The following STXBP5 variants were observed in gnomAD, a reference collection of about 807,000 sequenced individuals.
STXBP5 encodes the protein syntaxin binding protein 5, also known as syntaxin-binding protein 5.
A neutral mutation model predicts 152.4 loss-of-function variants in STXBP5; 50 were observed. The ratio of observed to expected loss-of-function variants is 0.33; its 90% CI spans 0.26 to 0.42. The LOEUF (loss-of-function observed/expected upper bound fraction) is 0.42, where lower values mean the gene tolerates loss of function less well. Ranked by LOEUF, STXBP5 falls within the 10% of genes least tolerant of loss-of-function variation. The probability of loss-of-function intolerance (pLI) is 1.00; values close to 1 mark genes in which losing one functional copy is unlikely to be tolerated. For missense variants in STXBP5, 1,167 were observed against 1,388.6 expected (o/e 0.84, Z 2.54); for synonymous variants, 492 against 494.7 (o/e 0.99, Z 0.07).
intron 4 of STXBP5, among the ~76,000 whole-genome samples, chr6:147,250,273 T>C (rs535865010): frequency 6.6e-6 from 1 of 152,232 alleles, no homozygotes; most frequent in Non-Finnish European, 1.5e-5. Flanking sequence ...AAGACTGTTA[T>C]GGACTAATAA....
At chr6:147,262,152 A>G (rs373519745) in intron 5 of STXBP5, 138 bp from the exon 6 acceptor site, 8 of 596,694 alleles carry the variant, frequency 1.3e-5, no homozygotes, top group Non-Finnish European at 1.4e-5. Flanking sequence ...CTATATGCCT[A>G]TTATTTATCT....
At chr6:147,223,643 A>G (rs542854245) in intron 2 of STXBP5, among the ~76,000 whole-genome samples, 31 of 152,298 alleles carry the variant, frequency 2.0e-4, no homozygotes, top group African/African-American at 7.2e-4. Flanking sequence ...GAGCTGAAAA[A>G]ACCAAAATGT....
intron 6 of STXBP5, among the ~76,000 whole-genome samples, chr6:147,264,376 C>T (rs1024625599): frequency 3.3e-5 from 5 of 152,002 alleles, no homozygotes; most frequent in East Asian, 1.9e-4. Flanking sequence ...TTTATATACA[C>T]GATTTCATTT....
chr6:147,256,552 A>G (rs1260318141), intron 4 of STXBP5, among the ~76,000 whole-genome samples: 1 of 152,184 alleles, frequency 6.6e-6, no homozygotes, highest in Non-Finnish European at 1.5e-5. Flanking sequence ...ATATGGTTTA[A>G]GAAGCATTAT....
chr6:147,230,276 G>T (rs548519874), intron 2 of STXBP5, among the ~76,000 whole-genome samples: 3 of 151,900 alleles, frequency 2.0e-5, no homozygotes, highest in African/African-American at 7.2e-5. Flanking sequence ...CATTTTATAC[G>T]TGGAGATATT....
At chr6:147,327,002 CTT>C (rs1783293382) in intron 17 of STXBP5, 121 bp from the exon 18 acceptor site, 3 of 829,464 alleles carry the variant, frequency 3.6e-6, no homozygotes, top group Admixed American at 6.0e-5. Context: ...CTATAGTTGT[CTT>C]TTGTTTCAAA....
intron 4 of STXBP5, among the ~76,000 whole-genome samples, chr6:147,251,942 C>G (rs1172784601): frequency 1.3e-5 from 2 of 152,184 alleles, no homozygotes; most frequent in African/African-American, 4.8e-5. Flanking sequence ...CCCAGGCAAA[C>G]AGGGTCTGGA....
intron 4 of STXBP5, among the ~76,000 whole-genome samples, chr6:147,259,045 A>G (rs901674059): frequency 2.6e-5 from 4 of 152,122 alleles, no homozygotes; most frequent in Non-Finnish European, 4.4e-5. Context: ...TGATGATGGT[A>G]GTTATAGAGC....
intron 11 of STXBP5, among the ~76,000 whole-genome samples, chr6:147,312,394 A>T (rs1191747996): frequency 3.3e-5 from 5 of 152,204 alleles, no homozygotes; most frequent in Non-Finnish European, 5.9e-5. Context: ...ATCATTAAGT[A>T]TGGTTTTTAA....
chr6:147,380,778 C>T lies in STXBP5; in HGVS notation c.3194-2000C>T, dbSNP rs568226821. Among the ~76,000 whole-genome samples, 22 of 152,168 alleles carry T rather than the reference C, an allele frequency of 1.4e-4. 1 individual carries two copies. The highest frequency in any genetic ancestry group is 1.2e-3 in the East Asian group (6 of 5,168). On this transcript the variant is annotated intron_variant, in intron 26 of 27. Coordinates refer to ENST00000321680, the MANE Select transcript of STXBP5 (RefSeq NM_001127715.4). ...AAATCACATATCTGATATCAGATTA[C>T]GTCTAGTGTCCAGAATATATTAAGA...
rs138052953 is a variant in STXBP5, at chr6:147,388,809, GATATAT to G, written c.*4065_*4070del. ...ACCTTAACTATTGTTTTAAAATATA[GATATAT>G]ATATATATATTTAAAATAGTTTTCC... On this transcript the variant is annotated 3_prime_UTR_variant, in exon 28 of 28. Coordinates refer to ENST00000321680, the MANE Select transcript of STXBP5 (RefSeq NM_001127715.4). 4.1e-5 allele frequency: 6 copies of G among 147,664 alleles called. No individual in the cohort carries two copies. Among genetic ancestry groups the G allele is most frequent in the African/African-American group, 7.4e-5 (3 of 40,566 alleles). 9.1% of individuals were successfully genotyped at this position (147,664 alleles called of 1,614,324 possible).
In STXBP5 at chr6:147,363,599, A is replaced by T. The variant is rs142760937; in HGVS notation, c.2810A>T (p.Gln937Leu). 8 of 1,614,218 alleles carry T rather than the reference A, an allele frequency of 5.0e-6. No individual in the cohort carries two copies. Among genetic ancestry groups the T allele is most frequent in the Non-Finnish European group, 6.8e-6 (8 of 1,180,036 alleles). The change falls in exon 24 of 28, where the codon CAA becomes CTA. Residue 937 changes from glutamine (Q) to leucine (L), a missense_variant. Transcript: ENST00000321680. ...CCAACCCAGAACTGTGCTTATAAGC[A>T]AAATATTACAGAGACCTCGTTTGTG... ...SLPTQNCAYK[Q>L]NITETSFVLR...
rs774781590 is a variant in STXBP5, at chr6:147,310,231, C to T, written c.1065C>T (p.Tyr355=). 1 of 1,563,696 alleles carries T rather than the reference C, an allele frequency of 6.4e-7. No individual in the cohort carries two copies. The highest frequency in any genetic ancestry group is 1.2e-5 in the South Asian group (1 of 81,688). ...VDFLTLCETP[Y]PNDFQEPYAV... ...TTCTAACGCTGTGTGAAACACCATA[C>T]CCAAATGGTAAGCTTTGCAACTTTA... is the stretch of plus-strand genomic sequence containing the variant. The change falls in exon 10 of 28, where the codon TAC becomes TAT. Residue 355 remains tyrosine (Y), a synonymous_variant. Coordinates refer to ENST00000321680, the MANE Select transcript of STXBP5 (RefSeq NM_001127715.4).
intron 25 of STXBP5, among the ~76,000 whole-genome samples, chr6:147,366,210 C>T (rs1181013064): frequency 1.3e-5 from 2 of 152,134 alleles, no homozygotes; most frequent in South Asian, 2.1e-4. Flanking sequence ...CTGAGTATAC[C>T]ATACGTGCTA....
intron 9 of STXBP5, among the ~76,000 whole-genome samples, chr6:147,299,186 G>A (rs1319684423): frequency 2.6e-5 from 4 of 151,202 alleles, no homozygotes; most frequent in African/African-American, 9.7e-5. Flanking sequence ...ATTACAACCC[G>A]TACAATAGAA....
intron 16 of STXBP5, among the ~76,000 whole-genome samples, chr6:147,320,784 A>G (rs868818339): frequency 6.6e-6 from 1 of 152,192 alleles, no homozygotes; most frequent in African/African-American, 2.4e-5. Flanking sequence ...ATCATAGTAA[A>G]AAATATCATA....
At chr6:147,287,313 C>G (rs1334649188) in intron 8 of STXBP5, among the ~76,000 whole-genome samples, 1 of 147,086 alleles carries the variant, frequency 6.8e-6, no homozygotes, top group African/African-American at 2.5e-5. Flanking sequence ...TGCCATTCTC[C>G]TGCCTCAGCC....
intron 4 of STXBP5, among the ~76,000 whole-genome samples, chr6:147,245,015 G>T: frequency 7.5e-6 from 1 of 133,222 alleles, no homozygotes; most frequent in South Asian, 2.3e-4. Flanking sequence ...TTTTTTTAGA[G>T]GGAATCTTGG....
chr6:147,209,961 G>A (rs1192377212), intron 2 of STXBP5, among the ~76,000 whole-genome samples: 1 of 152,154 alleles, frequency 6.6e-6, no homozygotes, highest in African/African-American at 2.4e-5. Flanking sequence ...TTAACCTGAG[G>A]TATCTGCATG....
Sources: gnomAD v4.1 joint callset for allele counts (sites outside exome capture counted in the v4.1 genomes callset) on GRCh38, gnomAD v4.1.1 for gene constraint, MANE v1.5 for transcripts, NCBI Gene and HGNC (gene_info 2026-07-23, HGNC 2026-07-21) for gene names.